NEGR1: variants seen among roughly 807,000 people sequenced by gnomAD.
NEGR1 encodes the protein neuronal growth regulator 1.
Under a neutral mutation model 40.9 loss-of-function variants are expected in NEGR1, and 10 were observed. That is an observed-to-expected ratio of 0.24 (90% CI 0.15 to 0.42). NEGR1 has a LOEUF of 0.42. Ranked by LOEUF, NEGR1 falls within the 10% of genes least tolerant of loss-of-function variation. The pLI, the probability that NEGR1 is intolerant of heterozygous loss-of-function variation, is 1.00. For missense variants in NEGR1, 352 were observed against 438.9 expected, an observed-to-expected ratio of 0.80 and a Z score of 1.77; for synonymous variants, 185 against 166.8, an observed-to-expected ratio of 1.11 and a Z score of -0.84.
At chr1:71,621,686 C>A (rs1156912446) in intron 4 of NEGR1, among the ~76,000 whole-genome samples, 1 of 151,796 alleles carries the variant, frequency 6.6e-6, no homozygotes, top group Non-Finnish European at 1.5e-5. Context: ...TGAATGAAAT[C>A]TCCAGCACTA....
intron 6 of NEGR1, among the ~76,000 whole-genome samples, chr1:71,526,715 A>G (rs1230036118): frequency 1.3e-5 from 2 of 151,492 alleles, no homozygotes; most frequent in Non-Finnish European, 3.0e-5. Flanking sequence ...GGCATTATAT[A>G]ATAACCTTTT....
intron 2 of NEGR1, among the ~76,000 whole-genome samples, chr1:71,809,325 G>A (rs1377004990): frequency 1.3e-5 from 2 of 152,080 alleles, no homozygotes; most frequent in South Asian, 2.1e-4. Context: ...ATTTACTTCC[G>A]TGGAAATTCA....
chr1:71,697,820 C>G (rs1298307560), intron 4 of NEGR1, 188 bp downstream of exon 4: 1 of 574,644 alleles, frequency 1.7e-6, no homozygotes, highest in Non-Finnish European at 3.1e-6. Flanking sequence ...TGTGGGTTTA[C>G]TTGGGACAAT....
At chr1:72,197,039 A>G (rs1261010127) in intron 1 of NEGR1, among the ~76,000 whole-genome samples, 1 of 151,990 alleles carries the variant, frequency 6.6e-6, no homozygotes, top group Non-Finnish European at 1.5e-5. Flanking sequence ...AGAATATTCC[A>G]AAATAAAATT....
chr1:71,752,027 G>A (rs1655586600), intron 3 of NEGR1, among the ~76,000 whole-genome samples: 1 of 152,150 alleles, frequency 6.6e-6, no homozygotes, highest in Admixed American at 6.5e-5. Context: ...ATAATTAGTT[G>A]AAGAAAAAAT....
intron 1 of NEGR1, among the ~76,000 whole-genome samples, chr1:72,141,436 C>T (rs1650673894): frequency 6.6e-6 from 1 of 151,990 alleles, no homozygotes; most frequent in South Asian, 2.1e-4. Flanking sequence ...TAGAATCAAA[C>T]ATCCAACCTT....
At chr1:71,486,158 G>A (rs1646886246) in intron 6 of NEGR1, among the ~76,000 whole-genome samples, 1 of 151,620 alleles carries the variant, frequency 6.6e-6, no homozygotes, top group African/African-American at 2.4e-5. Flanking sequence ...GTGTGTAGTG[G>A]TATCTCACTG....
intron 3 of NEGR1, among the ~76,000 whole-genome samples, chr1:71,752,301 G>A (rs143619381): frequency 9.2e-5 from 14 of 152,232 alleles, no homozygotes; most frequent in African/African-American, 2.2e-4. Flanking sequence ...CTCTTGCCAC[G>A]TGAAAGAAGT....
At chr1:71,765,903 C>T (rs913059776) in intron 3 of NEGR1, among the ~76,000 whole-genome samples, 6 of 151,714 alleles carry the variant, frequency 4.0e-5, no homozygotes, top group Admixed American at 1.3e-4. Flanking sequence ...TGGCCAGGCG[C>T]GGTGGCTCAC....
chr1:72,080,933 C>T (rs376612967), intron 1 of NEGR1, among the ~76,000 whole-genome samples: 7 of 151,536 alleles, frequency 4.6e-5, no homozygotes, highest in South Asian at 2.1e-4. Flanking sequence ...AATGAATGAA[C>T]GAATGAATGA....
chr1:71,509,290 G>C (rs1647057633), intron 6 of NEGR1, among the ~76,000 whole-genome samples: 1 of 152,188 alleles, frequency 6.6e-6, no homozygotes, highest in African/African-American at 2.4e-5. Flanking sequence ...AGACTTGTAA[G>C]AGTCTGTCAT....
At chr1:72,125,369 C>A (rs1036900681) in intron 1 of NEGR1, among the ~76,000 whole-genome samples, 1 of 151,814 alleles carries the variant, frequency 6.6e-6, no homozygotes, top group African/African-American at 2.4e-5. Flanking sequence ...ATAGCAATAA[C>A]AGAATAATGA....
At chr1:71,460,483 T>C (rs1220999267) in intron 6 of NEGR1, among the ~76,000 whole-genome samples, 1 of 152,194 alleles carries the variant, frequency 6.6e-6, no homozygotes, top group Non-Finnish European at 1.5e-5. Context: ...TGATGGGCAA[T>C]TTTCTTAATC....
In NEGR1 at chr1:72,119,814, G is replaced by A. The variant is rs185124980; in HGVS notation, c.176+162505C>T. Among the ~76,000 whole-genome samples, 214 of 152,060 alleles carry A rather than the reference G, an allele frequency of 1.4e-3. 1 individual carries two copies. Among genetic ancestry groups the A allele is most frequent in the African/African-American group, 5.0e-3 (209 of 41,510 alleles). On this transcript the variant is annotated intron_variant, in intron 1 of 6. Transcript: ENST00000357731. ...AGCCCAAAATGTCAATAGTGTTGAG[G>A]TTGAAAAGTCCTAGAATATCTTCAA...
chr1:72,115,265 A>G (rs1014770477), intron 1 of NEGR1, among the ~76,000 whole-genome samples: 4 of 151,730 alleles, frequency 2.6e-5, no homozygotes, highest in Non-Finnish European at 5.9e-5. Flanking sequence ...TGAGAAACCT[A>G]TTTCTCCAGA....
chr1:71,860,914 T>C (rs1016670625), intron 2 of NEGR1, among the ~76,000 whole-genome samples: 3 of 152,002 alleles, frequency 2.0e-5, no homozygotes, highest in Non-Finnish European at 4.4e-5. Flanking sequence ...ATCTACATAA[T>C]CAAGTTAAAA....
At chr1:71,829,694 CAGAAACAAA>C (rs1461937877) in intron 2 of NEGR1, among the ~76,000 whole-genome samples, 6 of 151,792 alleles carry the variant, frequency 4.0e-5, no homozygotes, top group Non-Finnish European at 5.9e-5. Context: ...CAAAACGAAA[CAGAAACAAA>C]ATATAATACA....
At chr1:72,246,828 A>AGGC (rs1353091083) in intron 1 of NEGR1, among the ~76,000 whole-genome samples, 3 of 152,204 alleles carry the variant, frequency 2.0e-5, no homozygotes, top group African/African-American at 7.2e-5. Flanking sequence ...GCCCTTACAA[A>AGGC]GGCTTCTTTC....
At chr1:71,800,223 G>C (rs1156600038) in intron 2 of NEGR1, among the ~76,000 whole-genome samples, 2 of 152,122 alleles carry the variant, frequency 1.3e-5, no homozygotes, top group Non-Finnish European at 2.9e-5. Context: ...ATTTGTTTAA[G>C]TTCTCTGCAG....
Sources: gnomAD v4.1 joint callset for allele counts (sites outside exome capture counted in the v4.1 genomes callset) on GRCh38, gnomAD v4.1.1 for gene constraint, MANE v1.5 for transcripts, NCBI Gene and HGNC (gene_info 2026-07-23, HGNC 2026-07-21) for gene names.